ALG13: variants seen among roughly 807,000 people sequenced by gnomAD.
ALG13 encodes ALG13 UDP-N-acetylglucosaminyltransferase subunit.
ALG13 carries 11 observed loss-of-function variants against 87.8 expected under a neutral mutation model. The observed-to-expected ratio is 0.13, with a 90% confidence interval of 0.08 to 0.21. The LOEUF is 0.21. ALG13 is among the 10% of genes least tolerant of loss of function. The probability of loss-of-function intolerance (pLI) is 1.00; values close to 1 mark genes in which losing one functional copy is unlikely to be tolerated. For synonymous variants in ALG13, 320 were observed against 306.3 expected, an observed-to-expected ratio of 1.04 and a Z score of -0.47; for missense variants, 756 against 866.1, an observed-to-expected ratio of 0.87 and a Z score of 1.60.
At chrX:111,708,684 C>T (rs759082014) in intron 4 of ALG13, among the ~76,000 whole-genome samples, 3 of 111,275 alleles carry the variant, frequency 2.7e-5, no homozygotes, top group African/African-American at 9.8e-5. Context: ...ATATCTTGAT[C>T]CTTTGTAAGC....
At chrX:111,749,775 C>G (rs1174802383) in intron 24 of ALG13, among the ~76,000 whole-genome samples, 9 of 110,975 alleles carry the variant, frequency 8.1e-5, no homozygotes, top group Non-Finnish European at 1.7e-4. Flanking sequence ...CCAATTTTGT[C>G]CTGTACATAA....
intron 24 of ALG13, among the ~76,000 whole-genome samples, chrX:111,752,060 G>A (rs1038200884): frequency 1.8e-5 from 2 of 111,705 alleles, no homozygotes; most frequent in African/African-American, 3.3e-5. Flanking sequence ...GTCTCAGCAG[G>A]CATCACTAAT....
intron 3 of ALG13, chrX:111,690,247 T>G (rs1935892941): frequency 1.3e-6 from 1 of 753,603 alleles, no homozygotes. Context: ...TATTAATGAG[T>G]AAGTGGAATG....
chrX:111,746,579 T>C (rs1325537543), intron 24 of ALG13, among the ~76,000 whole-genome samples: 1 of 112,046 alleles, frequency 8.9e-6, no homozygotes, highest in Non-Finnish European at 1.9e-5. Flanking sequence ...TGGTGATAGA[T>C]AGCTGGACTG....
At chrX:111,701,884 A>G (rs776654037) in intron 3 of ALG13, among the ~76,000 whole-genome samples, 74 of 110,708 alleles carry the variant, frequency 6.7e-4, no homozygotes, top group African/African-American at 2.4e-3. Flanking sequence ...ATTTGTCTCA[A>G]GGGTTTTTTT....
chrX:111,759,752 A>G lies in ALG13; in HGVS notation c.3167A>G (p.Asp1056Gly). The G allele has an allele frequency of 1.7e-6, 2 of 1,206,614 alleles. No individual in the cohort carries two copies. The highest frequency in any genetic ancestry group is 2.2e-6 in the Non-Finnish European group (2 of 892,546). ...ASANDTFPNA[D>G]SSSVPHGAVY... ...CTTTCAGATACTTTTCCGAATGCTG[A>G]TTCTTCATCTGTCCCTCATGGAGCA... The change falls in exon 27 of 27, where the codon GAT becomes GGT. Residue 1056 changes from aspartate (D) to glycine (G), a missense_variant. Coordinates refer to ENST00000394780, the MANE Select transcript of ALG13 (RefSeq NM_001099922.3).
At chrX:111,749,878 C>T (rs1944561863) in intron 24 of ALG13, among the ~76,000 whole-genome samples, 1 of 111,762 alleles carries the variant, frequency 8.9e-6, no homozygotes, top group Admixed American at 9.5e-5. Context: ...CTGCCTCTTT[C>T]CTAGGTCATG....
intron 4 of ALG13, 58 bp from the exon 5 acceptor site, chrX:111,708,907 T>C: frequency 1.3e-6 from 1 of 782,980 alleles, no homozygotes; most frequent in South Asian, 2.4e-5. Flanking sequence ...AGTCTTGATT[T>C]AGAAGTGCCT....
chrX:111,686,117 A>G, intron 3 of ALG13: 1 of 1,082,794 alleles, frequency 9.2e-7, no homozygotes, highest in Middle Eastern at 2.5e-4. Flanking sequence ...GAAGAAAATT[A>G]CTTGTTTGTT....
intron 24 of ALG13, among the ~76,000 whole-genome samples, chrX:111,746,975 C>T (rs183629834): frequency 2.2e-4 from 25 of 111,665 alleles, no homozygotes; most frequent in African/African-American, 8.1e-4. Context: ...TTTCCACCGG[C>T]CCCCACATGT....
intron 2 of ALG13, among the ~76,000 whole-genome samples, chrX:111,682,772 G>A (rs889757489): frequency 1.8e-5 from 2 of 112,053 alleles, no homozygotes; most frequent in Non-Finnish European, 3.8e-5. Flanking sequence ...CTGCTGATTG[G>A]TTGGATTGGT....
chrX:111,746,655 G>C (rs1212262173), intron 24 of ALG13, among the ~76,000 whole-genome samples: 1 of 112,337 alleles, frequency 8.9e-6, no homozygotes, highest in African/African-American at 3.2e-5. Flanking sequence ...CATTCTTGTA[G>C]AAGTCTTTGT....
At chrX:111,726,510 G>A (rs1021144424) in intron 15 of ALG13, among the ~76,000 whole-genome samples, 1 of 110,976 alleles carries the variant, frequency 9.0e-6, no homozygotes, top group Non-Finnish European at 1.9e-5. Context: ...GGGATTACAG[G>A]CGTGAGCCAC....
At chrX:111,759,123 T>A (rs183049659) in intron 26 of ALG13, among the ~76,000 whole-genome samples, 112 of 108,436 alleles carry the variant, frequency 1.0e-3, no homozygotes, top group Non-Finnish European at 1.5e-3. Flanking sequence ...TTCACAGAGT[T>A]AATCTAAGCC....
chrX:111,689,617 G>A, intron 3 of ALG13: 1 of 750,743 alleles, frequency 1.3e-6, no homozygotes, highest in Non-Finnish European at 1.6e-6. Flanking sequence ...TAAGTCAAAG[G>A]AGACTTTAAA....
intron 3 of ALG13, among the ~76,000 whole-genome samples, chrX:111,707,151 C>A (rs776078246): frequency 9.0e-6 from 1 of 111,616 alleles, no homozygotes; most frequent in African/African-American, 3.3e-5. Context: ...TTGGTTTTCT[C>A]AGAATCCAGA....
chrX:111,681,671 C>T (rs1329710724), intron 1 of ALG13: 33 of 887,806 alleles, frequency 3.7e-5, no homozygotes, highest in African/African-American at 1.9e-4. Flanking sequence ...TTTCCTCAGG[C>T]CCCCCTGTGG....
At chrX:111,688,344 T>TA in intron 3 of ALG13, 1 of 715,197 alleles carries the variant, frequency 1.4e-6, no homozygotes, top group Non-Finnish European at 1.7e-6. Context: ...CTCCTTAGAA[T>TA]AAAAAAATGA....
chrX:111,722,749 G>A, intron 12 of ALG13, 44 bp from the exon 13 acceptor site: 1 of 940,980 alleles, frequency 1.1e-6, no homozygotes, highest in Non-Finnish European at 1.5e-6. Flanking sequence ...ATATAGGAAA[G>A]GAACCAGTTT....
Sources: gnomAD v4.1 joint callset for allele counts (sites outside exome capture counted in the v4.1 genomes callset) on GRCh38, gnomAD v4.1.1 for gene constraint, MANE v1.5 for transcripts, NCBI Gene and HGNC (gene_info 2026-07-23, HGNC 2026-07-21) for gene names.